The following TFCP2 variants were observed in gnomAD, a reference collection of about 807,000 sequenced individuals.
TFCP2 encodes transcription factor CP2.
Under a neutral mutation model 73.4 loss-of-function variants are expected in TFCP2, and 33 were observed. The observed-to-expected ratio is 0.45, with a 90% CI of 0.34 to 0.60. The LOEUF (loss-of-function observed/expected upper bound fraction) is 0.60, where lower values mean the gene tolerates loss of function less well. TFCP2 is among the 20% of genes least tolerant of loss of function. TFCP2 has a pLI of 0.01. For synonymous variants in TFCP2, 193 were observed against 211.6 expected (o/e 0.91, Z 0.76); for missense variants, 352 against 604.0 (o/e 0.58, Z 4.37).
intron 1 of TFCP2, among the ~76,000 whole-genome samples, chr12:51,138,358 C>T (rs1458775146): frequency 6.6e-6 from 1 of 152,064 alleles, no homozygotes; most frequent in African/African-American, 2.4e-5. Context: ...GGTTTCACCA[C>T]ATTGGCCAAG....
chr12:51,128,304 T>G (rs1382176853), intron 1 of TFCP2, among the ~76,000 whole-genome samples: 1 of 151,956 alleles, frequency 6.6e-6, no homozygotes, highest in Non-Finnish European at 1.5e-5. Flanking sequence ...CAAGCAAGAC[T>G]GAAGAATAGG....
intron 1 of TFCP2, among the ~76,000 whole-genome samples, chr12:51,155,668 T>C (rs529952608): frequency 1.2e-4 from 18 of 152,332 alleles, no homozygotes; most frequent in Admixed American, 3.3e-4. Context: ...TTGGTCATGG[T>C]GTATAATCCT....
chr12:51,099,216 T>C (rs915714541), intron 12 of TFCP2, among the ~76,000 whole-genome samples: 1 of 152,178 alleles, frequency 6.6e-6, no homozygotes, highest in African/African-American at 2.4e-5. Context: ...CTGGGTGTAG[T>C]GGTTTACACC....
intron 14 of TFCP2, 120 bp downstream of exon 14, chr12:51,095,869 G>C (rs1939953918): frequency 3.1e-6 from 1 of 323,742 alleles, no homozygotes; most frequent in Non-Finnish European, 5.7e-6. Context: ...CTCTAATATT[G>C]TCACTTTCTT....
At chr12:51,151,328 T>C (rs1028486562) in intron 1 of TFCP2, among the ~76,000 whole-genome samples, 28 of 152,266 alleles carry the variant, frequency 1.8e-4, no homozygotes, top group African/African-American at 6.3e-4. Flanking sequence ...CTGATGAACA[T>C]TTTAAAGAAA....
chr12:51,108,462 A>T (rs950989640), intron 6 of TFCP2, among the ~76,000 whole-genome samples: 7 of 151,986 alleles, frequency 4.6e-5, no homozygotes, highest in African/African-American at 1.7e-4. Flanking sequence ...GAACATATTT[A>T]TTCATGTGAT....
At chr12:51,099,821 G>C in intron 11 of TFCP2, 42 bp from the exon 12 acceptor site, 5 of 1,594,640 alleles carry the variant, frequency 3.1e-6, no homozygotes, top group Non-Finnish European at 3.4e-6. Flanking sequence ...CATTCTTTAT[G>C]GTAAGCACAA....
At chr12:51,108,434 T>C (rs1940310981) in intron 6 of TFCP2, among the ~76,000 whole-genome samples, 1 of 152,134 alleles carries the variant, frequency 6.6e-6, no homozygotes, top group South Asian at 2.1e-4. Context: ...CTCTGTATTA[T>C]TCAATCTCTT....
chr12:51,095,739 G>C (rs1351149796), intron 14 of TFCP2, among the ~76,000 whole-genome samples: 1 of 150,650 alleles, frequency 6.6e-6, no homozygotes, highest in Non-Finnish European at 1.5e-5. Flanking sequence ...ACTTGAACTT[G>C]GGAAGCGAAG....
At chr12:51,146,729 T>C (rs1941306266) in intron 1 of TFCP2, among the ~76,000 whole-genome samples, 1 of 152,222 alleles carries the variant, frequency 6.6e-6, no homozygotes, top group Admixed American at 6.5e-5. Context: ...TTCTTTCAGA[T>C]ACCACCTTAG....
chr12:51,156,133 A>G (rs999954345), intron 1 of TFCP2, among the ~76,000 whole-genome samples: 1 of 152,018 alleles, frequency 6.6e-6, no homozygotes, highest in Non-Finnish European at 1.5e-5. Flanking sequence ...CATCAAGACT[A>G]TTCATCCATT....
intron 3 of TFCP2, among the ~76,000 whole-genome samples, chr12:51,117,408 C>T (rs1347714844): frequency 6.6e-6 from 1 of 152,180 alleles, no homozygotes; most frequent in Non-Finnish European, 1.5e-5. Flanking sequence ...AAAAGAACTT[C>T]ACTGAGCCAG....
intron 1 of TFCP2, chr12:51,124,635 C>A: frequency 1.8e-6 from 1 of 553,392 alleles, no homozygotes; most frequent in South Asian, 1.5e-5. Flanking sequence ...AGGTCATGTT[C>A]CGAGAGCCTC....
intron 1 of TFCP2, among the ~76,000 whole-genome samples, chr12:51,153,409 T>C (rs147513564): frequency 8.2e-6 from 1 of 121,654 alleles, no homozygotes; most frequent in Non-Finnish European, 1.8e-5. Flanking sequence ...TTTTTTTTTT[T>C]TGTTTTTTGT....
At chr12:51,131,454 T>C (rs969290749) in intron 1 of TFCP2, among the ~76,000 whole-genome samples, 11 of 152,234 alleles carry the variant, frequency 7.2e-5, no homozygotes, top group African/African-American at 1.2e-4. Context: ...ATAGTTTTTT[T>C]CTATCATAAA....
At chr12:51,107,662 G>A (rs1014446164) in intron 6 of TFCP2, among the ~76,000 whole-genome samples, 9 of 151,532 alleles carry the variant, frequency 5.9e-5, no homozygotes, top group Non-Finnish European at 7.4e-5. Context: ...GCTGGAATGC[G>A]GTGGCGAGAT....
Position 51,099,649 on chromosome 12 carries a change from AC to A in TFCP2, c.1276+5del. 3 of 1,614,118 alleles carry A rather than the reference AC, an allele frequency of 1.9e-6. No homozygotes were observed. The highest frequency in any genetic ancestry group is 2.5e-6 in the Non-Finnish European group (3 of 1,180,014). On this transcript the variant is annotated splice_donor_5th_base_variant and intron_variant, in intron 12 of 14. Coordinates refer to ENST00000257915, the MANE Select transcript of TFCP2 (RefSeq NM_005653.5). ...TATCTGTCCTAGTGTGTCCAGAACA[AC>A]CTACCGAAGAAAGTACCATTTGAGT...
chr12:51,117,562 T>C, intron 3 of TFCP2, 109 bp downstream of exon 3: 2 of 795,440 alleles, frequency 2.5e-6, no homozygotes, highest in South Asian at 3.4e-5. Context: ...AGGCAAGAGA[T>C]ACCATTAAGC....
chr12:51,101,459 T>A (rs1390951292), intron 11 of TFCP2, among the ~76,000 whole-genome samples: 1 of 152,220 alleles, frequency 6.6e-6, no homozygotes, highest in Non-Finnish European at 1.5e-5. Context: ...AGAACTCAGC[T>A]TAAGTATCCC....
Sources: gnomAD v4.1 joint callset for allele counts (sites outside exome capture counted in the v4.1 genomes callset) on GRCh38, gnomAD v4.1.1 for gene constraint, MANE v1.5 for transcripts, NCBI Gene and HGNC (gene_info 2026-07-23, HGNC 2026-07-21) for gene names.